The following OPCML variants were observed in gnomAD, a reference collection of about 807,000 sequenced individuals.
OPCML encodes the protein opioid-binding protein/cell adhesion molecule.
A neutral mutation model predicts 37.8 loss-of-function variants in OPCML; 13 were observed. The observed-to-expected ratio is 0.34, with a 90% CI of 0.22 to 0.55. The LOEUF is 0.55. OPCML is among the 20% of genes least tolerant of loss of function. The probability of loss-of-function intolerance (pLI) is 0.91; values close to 1 mark genes in which losing one functional copy is unlikely to be tolerated. For synonymous variants in OPCML, 176 were observed against 168.8 expected, an observed-to-expected ratio of 1.04 and a Z score of -0.33; for missense variants, 341 against 435.6, an observed-to-expected ratio of 0.78 and a Z score of 1.93.
At chr11:133,408,897 T>C (rs868751987) in intron 1 of OPCML, among the ~76,000 whole-genome samples, 1 of 152,194 alleles carries the variant, frequency 6.6e-6, no homozygotes, top group Non-Finnish European at 1.5e-5. Context: ...TTAGACACTT[T>C]AGTTCAATCG....
At chr11:133,337,082 C>T (rs1397048773) in intron 1 of OPCML, among the ~76,000 whole-genome samples, 1 of 152,184 alleles carries the variant, frequency 6.6e-6, no homozygotes, top group Non-Finnish European at 1.5e-5. Flanking sequence ...CGCGCAACCC[C>T]TCATGCCCTG....
At chr11:132,446,534 G>A (rs1325750993) in intron 4 of OPCML, among the ~76,000 whole-genome samples, 1 of 152,110 alleles carries the variant, frequency 6.6e-6, no homozygotes, top group Non-Finnish European at 1.5e-5. Context: ...CAGACCCAAA[G>A]AATGCAGGGG....
intron 2 of OPCML, among the ~76,000 whole-genome samples, chr11:132,841,860 C>CAAAAAAAAAAAAAAAAAAAAAAAAAAA (rs71067402): frequency 5.8e-5 from 2 of 34,684 alleles, no homozygotes; most frequent in Non-Finnish European, 9.7e-5. Context: ...CACTCTATCT[C>CAAAAAAAAAAAAAAAAAAAAAAAAAAA]AAAAAAAAAA....
At chr11:133,113,131 A>ATATTT (rs1949282324) in intron 1 of OPCML, among the ~76,000 whole-genome samples, 1 of 152,206 alleles carries the variant, frequency 6.6e-6, no homozygotes, top group Admixed American at 6.5e-5. Context: ...CCTACTTATC[A>ATATTT]TGCAAAAAAG....
chr11:133,110,118 A>T (rs1048038687), intron 1 of OPCML, among the ~76,000 whole-genome samples: 6 of 152,200 alleles, frequency 3.9e-5, no homozygotes, highest in Non-Finnish European at 8.8e-5. Flanking sequence ...GCATATTTCA[A>T]TCCAAAAAGT....
At chr11:133,442,230 T>C (rs1946378674) in intron 1 of OPCML, among the ~76,000 whole-genome samples, 1 of 152,178 alleles carries the variant, frequency 6.6e-6, no homozygotes, top group Non-Finnish European at 1.5e-5. Flanking sequence ...CTGCCATGCT[T>C]TTATTGTTTT....
At chr11:132,834,389 C>T (rs780813270) in intron 2 of OPCML, among the ~76,000 whole-genome samples, 2 of 152,234 alleles carry the variant, frequency 1.3e-5, no homozygotes, top group Non-Finnish European at 2.9e-5. Context: ...CTTCTGTATT[C>T]ATTTCCTGGG....
At chr11:132,749,734 G>A (rs548861822) in intron 2 of OPCML, among the ~76,000 whole-genome samples, 91 of 152,274 alleles carry the variant, frequency 6.0e-4, no homozygotes, top group Non-Finnish European at 9.6e-4. Flanking sequence ...GGTATTGGAC[G>A]ATGAGAATTC....
chr11:133,439,507 G>C (rs772594566), intron 1 of OPCML: 24 of 915,016 alleles, frequency 2.6e-5, no homozygotes, highest in Non-Finnish European at 3.0e-5. Flanking sequence ...TCACTCTGTC[G>C]CCCAGGCTGG....
At chr11:132,957,248 G>T (rs1343784507) in intron 1 of OPCML, among the ~76,000 whole-genome samples, 2 of 151,866 alleles carry the variant, frequency 1.3e-5, no homozygotes, top group African/African-American at 2.4e-5. Context: ...AGAATCCATT[G>T]CTCATCCTCC....
intron 4 of OPCML, among the ~76,000 whole-genome samples, chr11:132,475,820 C>A (rs1266946688): frequency 1.3e-5 from 2 of 152,184 alleles, no homozygotes; most frequent in African/African-American, 4.8e-5. Flanking sequence ...TTTTGCCAAA[C>A]ATTGTATGGC....
At chr11:133,039,071 A>C (rs1947836736) in intron 1 of OPCML, among the ~76,000 whole-genome samples, 1 of 152,116 alleles carries the variant, frequency 6.6e-6, no homozygotes, top group South Asian at 2.1e-4. Context: ...TTGTTTTCTC[A>C]TCCATGTGTT....
At chr11:133,006,012 C>T (rs1947103166) in intron 1 of OPCML, 2 of 985,284 alleles carry the variant, frequency 2.0e-6, no homozygotes, top group South Asian at 4.7e-5. Context: ...TCTTTTCCTT[C>T]TGAGCGGAGT....
intron 1 of OPCML, chr11:133,005,864 G>T (rs563021330): frequency 2.0e-6 from 2 of 985,368 alleles, no homozygotes; most frequent in African/African-American, 1.7e-5. Flanking sequence ...TTTTTAATTT[G>T]CACTTAATTG....
At chr11:132,728,165 G>T (rs1944952625) in intron 2 of OPCML, among the ~76,000 whole-genome samples, 1 of 149,932 alleles carries the variant, frequency 6.7e-6, no homozygotes, top group Non-Finnish European at 1.5e-5. Context: ...GGCGCAGCCC[G>T]CCCACCCCGG....
chr11:133,144,352 C>T (rs73023514), intron 1 of OPCML, among the ~76,000 whole-genome samples: 6,486 of 152,308 alleles, frequency 0.043, 214 homozygotes, highest in African/African-American at 0.088. Flanking sequence ...TGCCATTAAG[C>T]AACCCCTTGC....
Position 132,529,124 on chromosome 11 carries a change from G to T in OPCML, c.442C>A (p.Leu148Met), listed in dbSNP as rs950262018. The T allele has an allele frequency of 1.2e-6, 2 of 1,613,392 alleles. No individual in the cohort carries two copies. The highest frequency in any genetic ancestry group is 1.7e-6 in the Non-Finnish European group (2 of 1,179,664). Reference sequence around the variant, plus strand: ...GGTCTGCCAATAGCAAGACACAGCAGGGTCACACTGCTTCCCTCATTCACA... The same window carrying T: ...GGTCTGCCAATAGCAAGACACAGCATGGTCACACTGCTTCCCTCATTCACA... ...ITVNEGSSVT[L>M]LCLAIGRPEP... The change falls in exon 4 of 8, where the codon CTG becomes ATG. Residue 148 changes from leucine to methionine, a missense_variant. By Grantham distance (15) the Leu-to-Met change is conservative (BLOSUM62 2). Coordinates refer to ENST00000524381, the MANE Select transcript of OPCML (RefSeq NM_001012393.5).
rs1555162222 is a variant in OPCML at position 133,458,884 on chromosome 11, C to CACAT, written c.61+73379_61+73380insATGT. 7.5e-4 allele frequency among the ~76,000 whole-genome samples: 101 copies of CACAT among 134,870 alleles called. 7 individuals carry two copies. The highest frequency in any genetic ancestry group is 3.2e-3 in the African/African-American group (98 of 30,834). 88.5% of individuals were successfully genotyped at this position (134,870 alleles called of 152,430 possible). A position where few individuals can be genotyped will look rare whatever the true frequency, so the allele number is the denominator to read the frequency against. ...GTATATATACACACACATACACACA[C>CACAT]ATGTGTGTGTATATATATACACATA... On this transcript the variant is annotated intron_variant, in intron 1 of 7. Coordinates refer to ENST00000524381, the MANE Select transcript of OPCML (RefSeq NM_001012393.5).
At chr11:133,511,906 A>T (rs1289352982) in intron 1 of OPCML, among the ~76,000 whole-genome samples, 3 of 152,152 alleles carry the variant, frequency 2.0e-5, no homozygotes, top group African/African-American at 7.2e-5. Flanking sequence ...GTTACTCTTC[A>T]TTTGTTGAAT....
Sources: allele counts gnomAD v4.1 joint callset (sites outside exome capture counted in the v4.1 genomes callset), GRCh38; gene constraint gnomAD v4.1.1; transcripts MANE v1.5; gene names NCBI Gene and HGNC (gene_info 2026-07-23, HGNC 2026-07-21).